LYZL2: variants seen among roughly 807,000 people sequenced by gnomAD.
LYZL2 encodes the protein lysozyme-like protein 2.
LYZL2 carries 13 observed loss-of-function variants against 17.1 expected under a neutral mutation model. The observed-to-expected ratio is 0.76, with a 90% CI of 0.49 to 1.21. LYZL2 has a LOEUF of 1.21. Ranked by LOEUF, LYZL2 falls within the 50% of genes most tolerant of loss-of-function variation. The pLI is 0.00. For missense variants in LYZL2, 166 were observed against 189.2 expected (o/e 0.88, Z 0.72); for synonymous variants, 63 against 74.4 (o/e 0.85, Z 0.79).
chr10:30,621,623 A>G (rs1805210090), intron 3 of LYZL2, among the ~76,000 whole-genome samples: 1 of 152,172 alleles, frequency 6.6e-6, no homozygotes, highest in South Asian at 2.1e-4. Context: ...GGTGGAAAAG[A>G]ACTGTCAGCC....
At chr10:30,607,366 C>G (rs936640296), downstream of LYZL2, among the ~76,000 whole-genome samples, 1 of 151,644 alleles carries the variant, frequency 6.6e-6, no homozygotes, top group Non-Finnish European at 1.5e-5. Context: ...CAAAGGAGGC[C>G]CCAGTGGTAA....
downstream of LYZL2, among the ~76,000 whole-genome samples, chr10:30,607,836 G>C (rs1838393639): frequency 6.6e-6 from 1 of 152,134 alleles, no homozygotes; most frequent in South Asian, 2.1e-4. Context: ...CTGAGCCCTG[G>C]GGGATAGCAA....
chr10:30,624,422 T>C (rs1407858325), intron 3 of LYZL2, among the ~76,000 whole-genome samples: 1 of 152,194 alleles, frequency 6.6e-6, no homozygotes, highest in Non-Finnish European at 1.5e-5. Flanking sequence ...GGCAGACCTT[T>C]TGTACCTCAG....
At chr10:30,618,374 C>A (rs1005329347) in intron 3 of LYZL2, among the ~76,000 whole-genome samples, 2 of 152,204 alleles carry the variant, frequency 1.3e-5, no homozygotes, top group African/African-American at 4.8e-5. Context: ...TCAAGTCAAT[C>A]CTAAGCCAAA....
rs1388611600 is a variant in LYZL2 at position 30,629,742 on chromosome 10, T to TA, written c.-176dup. 1 of 1,577,618 alleles carries TA rather than the reference T, an allele frequency of 6.3e-7. No homozygotes were observed. Among genetic ancestry groups the TA allele is most frequent in the East Asian group, 2.3e-5 (1 of 44,306 alleles). ...ATGTCTGATTCTAACAAGGCTCGAG[T>TA]AATCCTTTCCTAGCTCAAGAACCTT... is the stretch of plus-strand genomic sequence containing the variant. On this transcript the variant is annotated 5_prime_UTR_variant, in exon 1 of 5. Coordinates refer to ENST00000647634, the MANE Select transcript of LYZL2 (RefSeq NM_183058.3).
chr10:30,615,500 G>A (rs1187640616), intron 3 of LYZL2, among the ~76,000 whole-genome samples: 5 of 152,144 alleles, frequency 3.3e-5, no homozygotes, highest in South Asian at 2.1e-4. Flanking sequence ...GAAATTTGCT[G>A]ATAGTGGATC....
chr10:30,629,279 A>G (rs1838768589), intron 1 of LYZL2, among the ~76,000 whole-genome samples: 1 of 151,944 alleles, frequency 6.6e-6, no homozygotes, highest in Non-Finnish European at 1.5e-5. Flanking sequence ...CTGTGGTCCC[A>G]CCTGTTTGGG....
At chr10:30,612,542 A>G (rs1241316315) in intron 4 of LYZL2, among the ~76,000 whole-genome samples, 1 of 152,190 alleles carries the variant, frequency 6.6e-6, no homozygotes, top group Non-Finnish European at 1.5e-5. Context: ...ACCCTTTCCA[A>G]GTCACTTTAG....
chr10:30,629,305 G>A (rs1338973803), intron 1 of LYZL2, among the ~76,000 whole-genome samples: 1 of 151,418 alleles, frequency 6.6e-6, no homozygotes, highest in Non-Finnish European at 1.5e-5. Flanking sequence ...GAGGTGGGAG[G>A]ATCTTTTAAG....
intron 3 of LYZL2, among the ~76,000 whole-genome samples, chr10:30,617,733 A>C (rs1838557739): frequency 2.0e-5 from 3 of 151,700 alleles, no homozygotes; most frequent in Non-Finnish European, 1.5e-5. Context: ...AGAAAAGAAA[A>C]AACTGGAAGC....
chr10:30,626,210 G>A lies in LYZL2; in HGVS notation c.193C>T (p.Leu65=), dbSNP rs1838701188. The change falls in exon 3 of 5, where the codon CTG becomes TTG. Residue 65 remains leucine (L), a synonymous_variant. Coordinates refer to ENST00000647634, the MANE Select transcript of LYZL2 (RefSeq NM_183058.3). ...SGYNTTAQTV[L]DDGSIDYGIF... ...CCGTAGTCGATGCTGCCGTCATCCA[G>A]GACCGTCTGGGCTGTGGTGTTGTAG... The A allele has an allele frequency of 2.5e-6, 4 of 1,614,260 alleles. No homozygotes were observed. Among genetic ancestry groups the A allele is most frequent in the Non-Finnish European group, 3.4e-6 (4 of 1,180,048 alleles).
chr10:30,606,351 C>CTTA, the LYZL2 span, among the ~76,000 whole-genome samples: 1 of 131,850 alleles, frequency 7.6e-6, no homozygotes, highest in South Asian at 2.4e-4. Flanking sequence ...ATAATAATTA[C>CTTA]TTTTTTTTTT....
At chr10:30,625,292 G>A (rs1191769262) in intron 3 of LYZL2, among the ~76,000 whole-genome samples, 2 of 152,168 alleles carry the variant, frequency 1.3e-5, no homozygotes, top group African/African-American at 4.8e-5. Context: ...ATATTTTAAT[G>A]ACTCGGTATG....
At chr10:30,623,553 G>T (rs561391912) in intron 3 of LYZL2, among the ~76,000 whole-genome samples, 1 of 152,140 alleles carries the variant, frequency 6.6e-6, no homozygotes, top group African/African-American at 2.4e-5. Context: ...ATCAGTGGCC[G>T]CATTAGATTC....
downstream of LYZL2, among the ~76,000 whole-genome samples, chr10:30,609,970 C>T (rs1838414384): frequency 6.6e-6 from 1 of 152,080 alleles, no homozygotes; most frequent in South Asian, 2.1e-4. Flanking sequence ...CACCCAGTGC[C>T]CTTTCACCTT....
intron 3 of LYZL2, among the ~76,000 whole-genome samples, chr10:30,613,958 C>T (rs1490933149): frequency 6.6e-6 from 1 of 152,220 alleles, no homozygotes; most frequent in Non-Finnish European, 1.5e-5. Flanking sequence ...AATCCTCTGG[C>T]TTTGGCCTCC....
intron 1 of LYZL2, 45 bp downstream of exon 1, chr10:30,629,548 G>A (rs752067179): frequency 6.2e-7 from 1 of 1,602,492 alleles, no homozygotes; most frequent in Non-Finnish European, 8.5e-7. Context: ...TGCCATTGCT[G>A]GTTCTCAGGG....
At chr10:30,611,507 A>AT (rs574305957), downstream of LYZL2, among the ~76,000 whole-genome samples, 2 of 148,644 alleles carry the variant, frequency 1.3e-5, no homozygotes, top group South Asian at 4.2e-4. Flanking sequence ...AAAAAAAAAA[A>AT]AAAAGGAAGG....
intron 3 of LYZL2, among the ~76,000 whole-genome samples, chr10:30,619,903 T>C (rs1838593527): frequency 6.6e-6 from 1 of 152,048 alleles, no homozygotes; most frequent in Non-Finnish European, 1.5e-5. Flanking sequence ...AAAAATGGCA[T>C]GTTGCAAGTG....
Sources: allele counts gnomAD v4.1 joint callset (sites outside exome capture counted in the v4.1 genomes callset), GRCh38; gene constraint gnomAD v4.1.1; transcripts MANE v1.5; gene names NCBI Gene and HGNC (gene_info 2026-07-23, HGNC 2026-07-21).